Variants in GNG12 observed in about 807,000 individuals in gnomAD.
GNG12 encodes guanine nucleotide-binding protein G(I)/G(S)/G(O) subunit gamma-12.
For missense variants in GNG12, 69 were observed against 83.8 expected (o/e 0.82, Z 0.69); for synonymous variants, 28 against 29.7 (o/e 0.94, Z 0.19).
At chr1:67,715,648 T>C (rs914540992) in intron 2 of GNG12, among the ~76,000 whole-genome samples, 1 of 152,126 alleles carries the variant, frequency 6.6e-6, no homozygotes, top group Admixed American at 6.5e-5. Context: ...CCGTGGGCAG[T>C]TCTGCAGTGG....
At chr1:67,724,236 C>T (rs1051194249) in intron 2 of GNG12, among the ~76,000 whole-genome samples, 4 of 151,966 alleles carry the variant, frequency 2.6e-5, no homozygotes, top group East Asian at 1.9e-4. Context: ...CTCAGGACTG[C>T]GCTCAGAAAT....
chr1:67,783,651 C>T (rs1054696395), intron 1 of GNG12, among the ~76,000 whole-genome samples: 1 of 152,064 alleles, frequency 6.6e-6, no homozygotes, highest in Non-Finnish European at 1.5e-5. Context: ...AAAAAGTGGG[C>T]GAAGGACATG....
intron 1 of GNG12, among the ~76,000 whole-genome samples, chr1:67,821,173 G>A (rs1226741189): frequency 2.0e-5 from 3 of 152,288 alleles, no homozygotes; most frequent in East Asian, 3.9e-4. Context: ...TGCAACATGT[G>A]AATATATTAC....
intron 2 of GNG12, among the ~76,000 whole-genome samples, chr1:67,755,014 G>C (rs1646559893): frequency 6.6e-6 from 1 of 152,274 alleles, no homozygotes; most frequent in Non-Finnish European, 1.5e-5. Flanking sequence ...GTTCTGACCA[G>C]TGAGACATGA....
intron 1 of GNG12, among the ~76,000 whole-genome samples, chr1:67,798,029 C>G (rs1296269557): frequency 6.6e-6 from 1 of 152,136 alleles, no homozygotes; most frequent in East Asian, 1.9e-4. Context: ...TTTTTGCTCC[C>G]ATGTTCAAGA....
At chr1:67,820,963 TAAC>T (rs1276806032) in intron 1 of GNG12, among the ~76,000 whole-genome samples, 1 of 152,244 alleles carries the variant, frequency 6.6e-6, no homozygotes, top group Non-Finnish European at 1.5e-5. Context: ...ATGTCAATTA[TAAC>T]AACAGTTAAC....
At chr1:67,754,703 G>A (rs1646558151) in intron 2 of GNG12, among the ~76,000 whole-genome samples, 1 of 152,198 alleles carries the variant, frequency 6.6e-6, no homozygotes, top group Non-Finnish European at 1.5e-5. Flanking sequence ...CAGTGCTGAT[G>A]CAGGAAGCCA....
At chr1:67,723,231 G>A (rs1210929296) in intron 2 of GNG12, among the ~76,000 whole-genome samples, 1 of 152,186 alleles carries the variant, frequency 6.6e-6, no homozygotes, top group Non-Finnish European at 1.5e-5. Flanking sequence ...TCCAAGGGGT[G>A]CATGAAGAAA....
At chr1:67,723,389 G>A (rs937908889) in intron 2 of GNG12, among the ~76,000 whole-genome samples, 3 of 152,178 alleles carry the variant, frequency 2.0e-5, no homozygotes, top group African/African-American at 7.2e-5. Context: ...TAGGGAGGAA[G>A]GGTAAGTTAA....
intron 1 of GNG12, among the ~76,000 whole-genome samples, chr1:67,804,487 T>C (rs1570563526): frequency 6.6e-6 from 1 of 152,152 alleles, no homozygotes; most frequent in Non-Finnish European, 1.5e-5. Flanking sequence ...AGTGTCTTTA[T>C]CATAAAAATG....
At chr1:67,748,402 C>T (rs962613535) in intron 2 of GNG12, among the ~76,000 whole-genome samples, 2 of 152,038 alleles carry the variant, frequency 1.3e-5, no homozygotes, top group South Asian at 2.1e-4. Flanking sequence ...ATGTAACATG[C>T]TTTATAAAAA....
intron 2 of GNG12, among the ~76,000 whole-genome samples, chr1:67,723,026 A>G (rs966189672): frequency 5.9e-5 from 9 of 152,220 alleles, no homozygotes; most frequent in African/African-American, 1.7e-4. Flanking sequence ...GCACATAGAA[A>G]CCACCCAGTG....
At chr1:67,777,560 G>T (rs1039184101) in intron 1 of GNG12, 53 bp from the exon 2 acceptor site, 1 of 339,088 alleles carries the variant, frequency 2.9e-6, no homozygotes, top group African/African-American at 2.2e-5. Context: ...TGGAAAGGGT[G>T]TGCTTTCGAT....
chr1:67,787,069 G>A (rs561557772), intron 1 of GNG12, among the ~76,000 whole-genome samples: 4,620 of 145,768 alleles, frequency 0.032, 286 homozygotes, highest in African/African-American at 0.12. Flanking sequence ...GTGTGTGTGT[G>A]TATAGTCCCC....
intron 2 of GNG12, among the ~76,000 whole-genome samples, chr1:67,751,293 G>A (rs1471894920): frequency 6.6e-6 from 1 of 152,146 alleles, no homozygotes; most frequent in East Asian, 1.9e-4. Flanking sequence ...AATGACATTA[G>A]TTTTCAAAGT....
Position 67,715,627 on chromosome 1 carries a change from C to T in GNG12, c.-26-7915G>A, listed in dbSNP as rs560192926. On this transcript the variant is annotated intron_variant, in intron 2 of 3. Coordinates refer to ENST00000370982, the MANE Select transcript of GNG12 (RefSeq NM_018841.6). ...CAGCAGCCTCTTGAGTCTCTACTCCCCACTGGGCACCCGTGGGCAGTTCTG... is the reference window on the plus strand; with the variant it reads ...CAGCAGCCTCTTGAGTCTCTACTCCTCACTGGGCACCCGTGGGCAGTTCTG... Among the ~76,000 whole-genome samples, 12 of 152,252 alleles carry T rather than the reference C, an allele frequency of 7.9e-5. No homozygotes were observed. In the South Asian group the frequency reaches 1.7e-3, roughly 21 times the overall value.
At chr1:67,789,787 A>G (rs2100781685) in intron 1 of GNG12, among the ~76,000 whole-genome samples, 1 of 151,400 alleles carries the variant, frequency 6.6e-6, no homozygotes, top group South Asian at 2.1e-4. Flanking sequence ...AGATGAGCGC[A>G]CTTCCCCAGG....
chr1:67,818,671 G>A (rs1057102195), intron 1 of GNG12, among the ~76,000 whole-genome samples: 2 of 152,100 alleles, frequency 1.3e-5, no homozygotes, highest in Admixed American at 6.5e-5. Context: ...GGAGGTAGGA[G>A]CTATTGTGGA....
In GNG12 at chr1:67,763,496, G is replaced by A. The variant is rs891419812; in HGVS notation, c.-27+13962C>T. Among the ~76,000 whole-genome samples the A allele has an allele frequency of 7.3e-5, 11 of 151,186 alleles. No individual in the cohort carries two copies. In the East Asian group the frequency reaches 1.4e-3, roughly 19 times the overall value. ...TCCTGATTCGATGCAGGTTATGCACGTTTGGTAGGGATACCACAGAAATAA... is the reference window on the plus strand; with the variant it reads ...TCCTGATTCGATGCAGGTTATGCACATTTGGTAGGGATACCACAGAAATAA... On this transcript the variant is annotated intron_variant, in intron 2 of 3. Transcript: ENST00000370982.
Sources: allele counts gnomAD v4.1 joint callset (sites outside exome capture counted in the v4.1 genomes callset), GRCh38; gene constraint gnomAD v4.1.1; transcripts MANE v1.5; gene names NCBI Gene and HGNC (gene_info 2026-07-23, HGNC 2026-07-21).